Variants in ZNF98 observed in about 807,000 individuals in gnomAD.
The protein encoded by ZNF98 is zinc finger protein 739.
ZNF98 carries 8 observed loss-of-function variants against 12.8 expected under a neutral mutation model. That is an observed-to-expected ratio of 0.63 (90% confidence interval 0.37 to 1.13). The LOEUF is 1.13. Ranked by LOEUF, ZNF98 falls within the 50% of genes most tolerant of loss-of-function variation. The pLI, the probability that ZNF98 is intolerant of heterozygous loss-of-function variation, is 0.01. For synonymous variants in ZNF98, 112 were observed against 223.5 expected (o/e 0.50, Z 4.45); for missense variants, 379 against 666.1 (o/e 0.57, Z 4.74).
intron 1 of ZNF98, among the ~76,000 whole-genome samples, chr19:22,405,216 T>C (rs1044330067): frequency 1.4e-5 from 2 of 145,592 alleles, no homozygotes; most frequent in Admixed American, 7.1e-5. Flanking sequence ...ACTGAACATA[T>C]GGCATTCTAG....
At position 22,422,281 on chromosome 19, in the gene ZNF98, A is replaced by G. The variant is rs949325938; in HGVS notation, c.-57T>C. 3.8e-6 allele frequency: 6 copies of G among 1,598,868 alleles called. No individual in the cohort carries two copies. In the African/African-American group the frequency reaches 5.4e-5, roughly 14 times the overall value. On this transcript the variant is annotated 5_prime_UTR_variant, in exon 1 of 4. Transcript: ENST00000357774. ...ACAGGGCCACAGAGGCTGGGCCTCT[A>G]CGAGCAGAGGACACAGAAGGGCGAA...
rs1239551726 is a variant in ZNF98, at chr19:22,391,277, A to G, written c.*239T>C. 1 of 772,096 alleles carries G rather than the reference A, an allele frequency of 1.3e-6. No individual in the cohort carries two copies. The highest frequency in any genetic ancestry group is 1.9e-6 in the Non-Finnish European group (1 of 519,974). 47.8% of individuals were successfully genotyped at this position (772,096 alleles called of 1,614,324 possible). On this transcript the variant is annotated 3_prime_UTR_variant, in exon 4 of 4. Transcript: ENST00000357774. ...CAGTAATTGCACCTTTAATGCTATTAAGTATAAATTCTCTGATGCTGAATA... is the reference window on the plus strand; with the variant it reads ...CAGTAATTGCACCTTTAATGCTATTGAGTATAAATTCTCTGATGCTGAATA...
intron 1 of ZNF98, among the ~76,000 whole-genome samples, chr19:22,419,563 G>A (rs147494352): frequency 6.6e-6 from 1 of 152,050 alleles, no homozygotes; most frequent in East Asian, 1.9e-4. Flanking sequence ...TCAAAATTAC[G>A]TGTGTGAAAA....
chr19:22,396,466 GAAAC>G (rs1382626457), intron 3 of ZNF98, among the ~76,000 whole-genome samples: 1 of 151,910 alleles, frequency 6.6e-6, no homozygotes, highest in Non-Finnish European at 1.5e-5. Context: ...GAGAAAATGA[GAAAC>G]AAAGATGCAA....
At chr19:22,421,500 T>A (rs181716026) in intron 1 of ZNF98, among the ~76,000 whole-genome samples, 17 of 152,260 alleles carry the variant, frequency 1.1e-4, no homozygotes, top group African/African-American at 4.1e-4. Flanking sequence ...TGCATTTTTT[T>A]AATAGAAATT....
chr19:22,421,739 G>C (rs564553178), intron 1 of ZNF98, among the ~76,000 whole-genome samples: 13 of 152,202 alleles, frequency 8.5e-5, no homozygotes, highest in African/African-American at 2.9e-4. Flanking sequence ...TTTTTGAACC[G>C]CTCCTTGTTT....
intron 1 of ZNF98, among the ~76,000 whole-genome samples, chr19:22,415,949 A>C (rs1332036770): frequency 4.4e-5 from 5 of 113,464 alleles, no homozygotes; most frequent in South Asian, 2.9e-4. Flanking sequence ...AAAAAAAAAA[A>C]ACTACAGACA....
chr19:22,408,658 C>A (rs568616409), intron 1 of ZNF98, among the ~76,000 whole-genome samples: 1 of 152,174 alleles, frequency 6.6e-6, no homozygotes, highest in Non-Finnish European at 1.5e-5. Context: ...AACAGACCAT[C>A]AGAGAGCCAA....
intron 1 of ZNF98, among the ~76,000 whole-genome samples, chr19:22,414,177 T>G (rs936634561): frequency 1.5e-5 from 2 of 131,306 alleles, no homozygotes; most frequent in Non-Finnish European, 3.0e-5. Context: ...GAAGTTACAG[T>G]GAACCAAAAT....
chr19:22,407,250 T>C (rs1370402218), intron 1 of ZNF98, among the ~76,000 whole-genome samples: 1 of 151,324 alleles, frequency 6.6e-6, no homozygotes, highest in Non-Finnish European at 1.5e-5. Flanking sequence ...AGAGATAGGG[T>C]TTCATCTTGT....
intron 1 of ZNF98, among the ~76,000 whole-genome samples, chr19:22,419,884 C>A (rs1324995449): frequency 2.0e-5 from 3 of 152,074 alleles, no homozygotes; most frequent in Non-Finnish European, 4.4e-5. Flanking sequence ...GTAGGCTGGG[C>A]ACGGTGGCTC....
intron 1 of ZNF98, among the ~76,000 whole-genome samples, chr19:22,405,286 A>C (rs1309456639): frequency 6.6e-6 from 1 of 151,608 alleles, no homozygotes; most frequent in Non-Finnish European, 1.5e-5. Flanking sequence ...AAAAAAAAAA[A>C]AAATTAGGGG....
At position 22,402,136 on chromosome 19, in the gene ZNF98, A is replaced by G. The variant is rs145103183; in HGVS notation, c.253+653T>C. 6.9e-3 allele frequency among the ~76,000 whole-genome samples: 979 copies of G among 141,480 alleles called. 12 individuals carry two copies. Among genetic ancestry groups the G allele is most frequent in the African/African-American group, 0.024 (917 of 37,656 alleles). The allele number at this position is 141,480 out of a possible 152,430, so 92.8% of individuals were successfully genotyped here. ...GATTGCAGTTAGCCAAGATGATGAC[A>G]CTCCACTCCAGCCTGGGTGACAGAG... On this transcript the variant is annotated intron_variant, in intron 3 of 3. Transcript: ENST00000357774.
intron 1 of ZNF98, among the ~76,000 whole-genome samples, chr19:22,404,505 A>G (rs1599386875): frequency 6.6e-6 from 1 of 152,258 alleles, no homozygotes; most frequent in East Asian, 1.9e-4. Context: ...AATAATGAAG[A>G]GAAAAATAAT....
At chr19:22,393,901 C>G in intron 3 of ZNF98, among the ~76,000 whole-genome samples, 1 of 151,870 alleles carries the variant, frequency 6.6e-6, no homozygotes, top group Non-Finnish European at 1.5e-5. Flanking sequence ...AACAGGCAAC[C>G]TACAGAATGG....
At chr19:22,405,399 TTC>T (rs1969508530) in intron 1 of ZNF98, among the ~76,000 whole-genome samples, 1 of 151,448 alleles carries the variant, frequency 6.6e-6, no homozygotes, top group Non-Finnish European at 1.5e-5. Context: ...GGTATCCAGG[TTC>T]TCTCATCAGA....
At chr19:22,403,978 T>TG (rs1426622040) in intron 1 of ZNF98, among the ~76,000 whole-genome samples, 1 of 152,228 alleles carries the variant, frequency 6.6e-6, no homozygotes, top group Non-Finnish European at 1.5e-5. Flanking sequence ...CCCAGCACTT[T>TG]GGGAGGCTAA....
chr19:22,411,283 C>T (rs1238692799), intron 1 of ZNF98, among the ~76,000 whole-genome samples: 3 of 152,160 alleles, frequency 2.0e-5, no homozygotes, highest in African/African-American at 4.8e-5. Context: ...ATGATCTGCC[C>T]ATCTCAGACT....
At chr19:22,396,197 T>C (rs1373142632) in intron 3 of ZNF98, among the ~76,000 whole-genome samples, 1 of 152,174 alleles carries the variant, frequency 6.6e-6, no homozygotes, top group East Asian at 1.9e-4. Context: ...ACAGAAATTA[T>C]AAACATCTGT....
Sources: gnomAD v4.1 joint callset for allele counts (sites outside exome capture counted in the v4.1 genomes callset) on GRCh38, gnomAD v4.1.1 for gene constraint, MANE v1.5 for transcripts, NCBI Gene and HGNC (gene_info 2026-07-23, HGNC 2026-07-21) for gene names.